The following OLFM3 variants were observed in gnomAD, a reference collection of about 807,000 sequenced individuals.
OLFM3 encodes the protein olfactomedin 3, also known as noelin-3.
Under a neutral mutation model 48.6 loss-of-function variants are expected in OLFM3, and 20 were observed. That is an observed-to-expected ratio of 0.41 (90% CI 0.29 to 0.60). OLFM3 has a LOEUF of 0.60. Among genes scored for constraint, OLFM3 ranks in the 20% least tolerant of loss-of-function variants. OLFM3 has a pLI of 0.28. For synonymous variants in OLFM3, 222 were observed against 198.1 expected (o/e 1.12, Z -1.01); for missense variants, 437 against 544.3 (o/e 0.80, Z 1.96).
intron 1 of OLFM3, among the ~76,000 whole-genome samples, chr1:101,954,678 G>T (rs553939874): frequency 6.6e-6 from 1 of 152,144 alleles, no homozygotes; most frequent in South Asian, 2.1e-4. Context: ...AAATAACAGT[G>T]TTTCTAATGT....
intron 2 of OLFM3, among the ~76,000 whole-genome samples, chr1:101,832,627 T>C (rs1336288083): frequency 2.0e-5 from 3 of 152,230 alleles, no homozygotes; most frequent in Non-Finnish European, 4.4e-5. Flanking sequence ...GTCTTACTCA[T>C]ATCTTCCATT....
intron 1 of OLFM3, among the ~76,000 whole-genome samples, chr1:101,930,459 G>A (rs989645042): frequency 6.6e-6 from 1 of 152,148 alleles, no homozygotes; most frequent in African/African-American, 2.4e-5. Flanking sequence ...TGGGTCCTAG[G>A]AAATTAAACT....
At chr1:101,967,343 G>T (rs6661064) in intron 1 of OLFM3, among the ~76,000 whole-genome samples, 33,140 of 151,562 alleles carry the variant, frequency 0.22, 4,117 homozygotes, top group East Asian at 0.51. Flanking sequence ...GGCTATAAGT[G>T]ATTTGCCTTC....
At chr1:101,826,829 T>G (rs1025975) in intron 3 of OLFM3, among the ~76,000 whole-genome samples, 98,511 of 152,092 alleles carry the variant, frequency 0.65, 32,183 homozygotes, top group African/African-American at 0.69. Flanking sequence ...ATTTCTGTGG[T>G]TATCATTTTC....
intron 1 of OLFM3, among the ~76,000 whole-genome samples, chr1:101,884,176 T>G (rs1657651281): frequency 6.6e-6 from 1 of 151,962 alleles, no homozygotes; most frequent in African/African-American, 2.4e-5. Context: ...CTGCTCCCCT[T>G]GGCATTTCCC....
chr1:101,831,614 T>C (rs1438893901), intron 2 of OLFM3, among the ~76,000 whole-genome samples: 2 of 152,136 alleles, frequency 1.3e-5, no homozygotes, highest in Non-Finnish European at 2.9e-5. Flanking sequence ...GGGGATGTGT[T>C]AAATAGAGAA....
chr1:101,811,646 C>G (rs1198159277), intron 4 of OLFM3, among the ~76,000 whole-genome samples: 1 of 152,164 alleles, frequency 6.6e-6, no homozygotes, highest in Non-Finnish European at 1.5e-5. Flanking sequence ...GATACTATCT[C>G]ACAGCAGTTA....
At chr1:101,910,373 A>T (rs529485360) in intron 1 of OLFM3, among the ~76,000 whole-genome samples, 1 of 151,850 alleles carries the variant, frequency 6.6e-6, no homozygotes. Context: ...GGCTGAGGCC[A>T]GAGAATGGCG....
At chr1:101,853,329 T>TTCTCCTTCC (rs1656294399) in intron 1 of OLFM3, among the ~76,000 whole-genome samples, 1 of 152,050 alleles carries the variant, frequency 6.6e-6, no homozygotes, top group South Asian at 2.1e-4. Context: ...TCACTTCTTT[T>TTCTCCTTCC]TCTCCTTCCT....
intron 5 of OLFM3, among the ~76,000 whole-genome samples, chr1:101,805,519 T>C (rs1653728283): frequency 6.6e-6 from 1 of 151,816 alleles, no homozygotes; most frequent in South Asian, 2.1e-4. Context: ...AATAGAGCTA[T>C]GGCAAGTTTC....
At chr1:101,908,094 T>C (rs899982666) in intron 1 of OLFM3, among the ~76,000 whole-genome samples, 26 of 152,248 alleles carry the variant, frequency 1.7e-4, no homozygotes, top group African/African-American at 5.8e-4. Context: ...TTGTGTTTTA[T>C]GTGTTACTAA....
At chr1:101,932,705 T>A (rs971471331) in intron 1 of OLFM3, among the ~76,000 whole-genome samples, 1 of 152,044 alleles carries the variant, frequency 6.6e-6, no homozygotes, top group Non-Finnish European at 1.5e-5. Flanking sequence ...CCCACACAGA[T>A]GACAAAGAAC....
At chr1:101,963,174 A>G (rs1660514350) in intron 1 of OLFM3, among the ~76,000 whole-genome samples, 1 of 152,166 alleles carries the variant, frequency 6.6e-6, no homozygotes, top group Admixed American at 6.5e-5. Context: ...CAGGACTCAG[A>G]GCCCTCGTTA....
chr1:101,828,456 G>T (rs1654993488), intron 3 of OLFM3, among the ~76,000 whole-genome samples: 1 of 152,108 alleles, frequency 6.6e-6, no homozygotes, highest in Non-Finnish European at 1.5e-5. Flanking sequence ...TGGATTACAT[G>T]AACTAGGAAA....
intron 1 of OLFM3, among the ~76,000 whole-genome samples, chr1:101,921,165 A>C (rs1659080796): frequency 6.6e-6 from 1 of 151,466 alleles, no homozygotes; most frequent in Admixed American, 6.6e-5. Context: ...TATAACAATT[A>C]AATTATTAGA....
intron 1 of OLFM3, among the ~76,000 whole-genome samples, chr1:101,905,991 C>T (rs1472213458): frequency 1.3e-5 from 2 of 152,116 alleles, no homozygotes; most frequent in African/African-American, 4.8e-5. Flanking sequence ...TGAGGGAAAA[C>T]TCATTTTCTC....
intron 1 of OLFM3, among the ~76,000 whole-genome samples, chr1:101,961,396 A>G (rs1660463486): frequency 6.6e-6 from 1 of 152,040 alleles, no homozygotes; most frequent in Non-Finnish European, 1.5e-5. Flanking sequence ...TGCATTTTAT[A>G]TTTCATTCCT....
intron 1 of OLFM3, among the ~76,000 whole-genome samples, chr1:101,889,044 A>C (rs1417700078): frequency 6.6e-6 from 1 of 152,218 alleles, no homozygotes; most frequent in Non-Finnish European, 1.5e-5. Flanking sequence ...ACACTTTTTC[A>C]CTGTTGGTGG....
intron 5 of OLFM3, 112 bp downstream of exon 5, chr1:101,805,964 G>A (rs1214039241): frequency 1.4e-5 from 9 of 630,884 alleles, no homozygotes; most frequent in East Asian, 5.7e-5. Context: ...TGCAAATTAT[G>A]TACCAGTTTT....
Sources: gnomAD v4.1 joint callset for allele counts (sites outside exome capture counted in the v4.1 genomes callset) on GRCh38, gnomAD v4.1.1 for gene constraint, MANE v1.5 for transcripts, NCBI Gene and HGNC (gene_info 2026-07-23, HGNC 2026-07-21) for gene names.